The following TMEM163 variants were observed in gnomAD, a reference collection of about 807,000 sequenced individuals.
TMEM163 encodes transmembrane protein 163.
TMEM163 carries 17 observed loss-of-function variants against 29.3 expected under a neutral mutation model. The observed-to-expected ratio is 0.58, with a 90% CI of 0.40 to 0.87. The LOEUF is 0.87. TMEM163 is among the 40% of genes least tolerant of loss of function. The pLI, the probability that TMEM163 is intolerant of heterozygous loss-of-function variation, is 0.00. For missense variants in TMEM163, 303 were observed against 381.5 expected (o/e 0.79, Z 1.71); for synonymous variants, 157 against 160.6 (o/e 0.98, Z 0.17).
chr2:134,570,243 AAG>A (rs751495764), intron 2 of TMEM163, among the ~76,000 whole-genome samples: 9 of 152,330 alleles, frequency 5.9e-5, no homozygotes, highest in African/African-American at 1.9e-4. Flanking sequence ...AGAAGGAAAA[AAG>A]AAACTTGTGC....
At chr2:134,552,222 C>T (rs1241564882) in intron 2 of TMEM163, 131 bp from the exon 3 acceptor site, 4 of 625,100 alleles carry the variant, frequency 6.4e-6, no homozygotes, top group Non-Finnish European at 1.1e-5. Flanking sequence ...ATTAACTGTA[C>T]TTGTAAAATC....
intron 4 of TMEM163, among the ~76,000 whole-genome samples, chr2:134,525,051 T>C (rs557660499): frequency 6.6e-6 from 1 of 152,324 alleles, no homozygotes; most frequent in African/African-American, 2.4e-5. Flanking sequence ...GACTTTTTAA[T>C]AATCGCCATT....
At chr2:134,512,486 G>T (rs955621047) in intron 4 of TMEM163, among the ~76,000 whole-genome samples, 1 of 152,160 alleles carries the variant, frequency 6.6e-6, no homozygotes, top group African/African-American at 2.4e-5. Context: ...TAGAGAAGCT[G>T]AGAATTGAGC....
At chr2:134,581,249 C>A (rs1468213884) in intron 2 of TMEM163, among the ~76,000 whole-genome samples, 2 of 152,200 alleles carry the variant, frequency 1.3e-5, no homozygotes, top group East Asian at 3.8e-4. Context: ...GCTTCTATCA[C>A]CCAAAGTAGC....
At chr2:134,664,580 C>T (rs1012451946) in intron 2 of TMEM163, among the ~76,000 whole-genome samples, 2 of 152,030 alleles carry the variant, frequency 1.3e-5, no homozygotes, top group African/African-American at 4.8e-5. Flanking sequence ...TCTGCTAAAC[C>T]CGAAGTATAA....
rs1686516099 is a variant in TMEM163, at chr2:134,460,705, CACT to C, written c.668-2535_668-2533del. Among the ~76,000 whole-genome samples, 1 of 152,164 alleles carries C rather than the reference CACT, an allele frequency of 6.6e-6. No homozygotes were observed. Among genetic ancestry groups the C allele is most frequent in the Admixed American group, 6.5e-5 (1 of 15,282 alleles). The stretch of plus-strand genomic sequence containing the variant: ...AAAAGCGTGAGGTTCCCCAGACAGC[CACT>C]AGATGTCTGCTCAGCTCCACCAAGT... On this transcript the variant is annotated intron_variant, in intron 6 of 7. Transcript: ENST00000281924. The surrounding 1 kb of genome is among the most constrained non-coding windows in gnomAD (Gnocchi z 4.3).
chr2:134,613,727 G>A (rs1384483741), intron 2 of TMEM163, among the ~76,000 whole-genome samples: 2 of 151,934 alleles, frequency 1.3e-5, no homozygotes, highest in African/African-American at 4.8e-5. Flanking sequence ...AATTTAAAGA[G>A]GCAATACCAT....
chr2:134,488,678 C>T (rs1375199999), intron 5 of TMEM163, among the ~76,000 whole-genome samples: 1 of 152,164 alleles, frequency 6.6e-6, no homozygotes, highest in East Asian at 1.9e-4. Flanking sequence ...TTTTCATATA[C>T]ACACATATCC....
At chr2:134,520,942 TGTTA>T (rs550076484) in intron 4 of TMEM163, among the ~76,000 whole-genome samples, 12 of 152,026 alleles carry the variant, frequency 7.9e-5, no homozygotes, top group African/African-American at 2.9e-4. Flanking sequence ...TCTGGGAAGG[TGTTA>T]GTTTTTGTTT....
intron 2 of TMEM163, among the ~76,000 whole-genome samples, chr2:134,634,003 ATATATATATATATATAT>A (rs1558971917): frequency 1.5e-3 from 44 of 29,448 alleles, no homozygotes; most frequent in African/African-American, 5.4e-3. Flanking sequence ...ATATATATAT[ATATATATATATATATAT>A]AATAGGACTG....
chr2:134,695,912 C>T (rs936265988), intron 2 of TMEM163, among the ~76,000 whole-genome samples: 1 of 151,932 alleles, frequency 6.6e-6, no homozygotes, highest in African/African-American at 2.4e-5. Context: ...ATTAGCCAGG[C>T]GTGGTGGTGG....
At chr2:134,571,971 G>T (rs1681441465) in intron 2 of TMEM163, among the ~76,000 whole-genome samples, 1 of 152,132 alleles carries the variant, frequency 6.6e-6, no homozygotes, top group Admixed American at 6.6e-5. Context: ...ACTTCTTTAT[G>T]GAAAGTTTAA....
chr2:134,585,667 G>A (rs1051804081), intron 2 of TMEM163, among the ~76,000 whole-genome samples: 31 of 152,108 alleles, frequency 2.0e-4, no homozygotes, highest in East Asian at 1.9e-3. Context: ...GCGTGAACCC[G>A]GGAGGCGGAG....
intron 2 of TMEM163, among the ~76,000 whole-genome samples, chr2:134,595,253 T>C (rs910393499): frequency 4.3e-4 from 65 of 152,170 alleles, no homozygotes; most frequent in African/African-American, 1.3e-3. Flanking sequence ...CCTAATGCTA[T>C]CCCTCCCCAC....
At chr2:134,465,198 A>AAAAAACAAAAC (rs1686640583) in intron 6 of TMEM163, among the ~76,000 whole-genome samples, 1 of 144,364 alleles carries the variant, frequency 6.9e-6, no homozygotes, top group African/African-American at 2.8e-5. Context: ...TTAAAAAAAA[A>AAAAAACAAAAC]AAAAACAAAA....
chr2:134,478,595 A>C (rs1454138368), intron 5 of TMEM163, among the ~76,000 whole-genome samples: 1 of 152,242 alleles, frequency 6.6e-6, no homozygotes, highest in Non-Finnish European at 1.5e-5. Context: ...AGAAACTTCT[A>C]AACAGCAAAG....
chr2:134,718,043 C>T (rs567288733), intron 1 of TMEM163, among the ~76,000 whole-genome samples: 1 of 152,324 alleles, frequency 6.6e-6, no homozygotes, highest in South Asian at 2.1e-4. Context: ...ACGCGCCCTC[C>T]GGAAACATCA....
intron 2 of TMEM163, among the ~76,000 whole-genome samples, chr2:134,556,393 T>C (rs1204931845): frequency 6.6e-6 from 1 of 152,206 alleles, no homozygotes; most frequent in Non-Finnish European, 1.5e-5. Flanking sequence ...GTACAAAAGG[T>C]TCATAATAGG....
chr2:134,607,788 A>G (rs9677818), intron 2 of TMEM163, among the ~76,000 whole-genome samples: 83 of 32,102 alleles, frequency 2.6e-3, no homozygotes, highest in Non-Finnish European at 2.4e-3. Context: ...CGAGAACTGT[A>G]CTGGTGAAAA....
Sources: allele counts gnomAD v4.1 joint callset (sites outside exome capture counted in the v4.1 genomes callset), GRCh38; gene constraint gnomAD v4.1.1; non-coding constraint Gnocchi (gnomAD v3.1); transcripts MANE v1.5; gene names NCBI Gene and HGNC (gene_info 2026-07-23, HGNC 2026-07-21).